Variants in ZSCAN9 observed in about 807,000 individuals in gnomAD.
ZSCAN9 encodes zinc finger and SCAN domain-containing protein 9.
Under a neutral mutation model 23.0 loss-of-function variants are expected in ZSCAN9, and 19 were observed. The observed-to-expected ratio is 0.83, with a 90% CI of 0.58 to 1.21. The LOEUF (loss-of-function observed/expected upper bound fraction) is 1.21, where lower values mean the gene tolerates loss of function less well. Ranked by LOEUF, ZSCAN9 falls within the 50% of genes most tolerant of loss-of-function variation. The pLI, the probability that ZSCAN9 is intolerant of heterozygous loss-of-function variation, is 0.00. For synonymous variants in ZSCAN9, 155 were observed against 164.8 expected (o/e 0.94, Z 0.46); for missense variants, 467 against 471.5 (o/e 0.99, Z 0.09).
At chr6:28,230,912 T>C (rs1760282063) in intron 3 of ZSCAN9, among the ~76,000 whole-genome samples, 1 of 152,086 alleles carries the variant, frequency 6.6e-6, no homozygotes, top group African/African-American at 2.4e-5. Context: ...TGCTTTCATT[T>C]GAGGTGAGAA....
chr6:28,227,098 C>T lies in ZSCAN9; in HGVS notation c.14C>T (p.Ser5Leu). The T allele has an allele frequency of 6.2e-7, 1 of 1,613,540 alleles. No homozygotes were observed. The highest frequency in any genetic ancestry group is 2.2e-5 in the East Asian group (1 of 44,886). Residue 5 changes from serine (S) to leucine (L), a missense_variant, in exon 2 of 4, where the codon TCA becomes TTA. Coordinates refer to ENST00000252207, the MANE Select transcript of ZSCAN9 (RefSeq NM_006299.5). MNTN[S>L]KEVLSLGVQV... Reference sequence around the variant, plus strand: ...TTCAAGGTCAAGATGAATACAAACTCAAAGGAGGTTTTATCCCTGGGTGTT... The same window carrying T: ...TTCAAGGTCAAGATGAATACAAACTTAAAGGAGGTTTTATCCCTGGGTGTT...
At chr6:28,226,886 A>G in intron 1 of ZSCAN9, 126 bp from the exon 2 acceptor site, 1 of 506,954 alleles carries the variant, frequency 2.0e-6, no homozygotes, top group East Asian at 3.2e-5. Flanking sequence ...CATTATTTCC[A>G]TCCTTTGGTC....
Position 28,232,693 on chromosome 6 carries a change from G to A in ZSCAN9, c.700G>A (p.Val234Ile), listed in dbSNP as rs1760349208. The A allele has an allele frequency of 6.2e-7, 1 of 1,614,104 alleles. No homozygotes were observed. ...VSQQDPSHGE[V>I]GEHKDRIERQ... is the part of the protein sequence containing the mutation. ...ACAGCAGGATCCCTCACATGGAGAA[G>A]TTGGTGAACATAAGGATAGGATAGA... The change falls in exon 4 of 4, where the codon GTT becomes ATT. Residue 234 changes from valine (V) to isoleucine (I), a missense_variant. Coordinates refer to ENST00000252207, the MANE Select transcript of ZSCAN9 (RefSeq NM_006299.5).
Position 28,233,169 on chromosome 6 carries a change from G to C in ZSCAN9, c.1176G>C (p.Glu392Asp). The C allele has an allele frequency of 6.2e-7, 1 of 1,613,742 alleles. No individual in the cohort carries two copies. Among genetic ancestry groups the C allele is most frequent in the South Asian group, 1.1e-5 (1 of 91,044 alleles). ...ATCAGAAGATCCACACAGTGGCTGA[G>C]CTGGTCTAGGGCTTGGCTATGAGCA... ...IRHQKIHTVAELV is the reference protein window; with the variant it reads ...IRHQKIHTVADLV Residue 392 changes from glutamate to aspartate, a missense_variant, in exon 4 of 4, where the codon GAG becomes GAC. Transcript: ENST00000252207.
At chr6:28,232,411 C>T (rs1050054973) in intron 3 of ZSCAN9, 151 bp from the exon 4 acceptor site, 13 of 1,352,818 alleles carry the variant, frequency 9.6e-6, no homozygotes, top group African/African-American at 1.5e-5. Flanking sequence ...AGAGGGCAAA[C>T]GTTCCTCCCT....
At chr6:28,226,878 T>G (rs1760128225) in intron 1 of ZSCAN9, 134 bp from the exon 2 acceptor site, 1 of 488,024 alleles carries the variant, frequency 2.0e-6, no homozygotes, top group Admixed American at 3.8e-5. Flanking sequence ...TATATTTCCA[T>G]TATTTCCATC....
chr6:28,227,198 C>T lies in ZSCAN9; in HGVS notation c.114C>T (p.Ser38=), dbSNP rs762272746. The part of the protein sequence containing the change: ...EAKSHLQWQE[S]RLKRSNPLAR... Reference sequence around the variant, plus strand: ...AAAGTCACCTTCAATGGCAGGAATCCAGACTGAAACGCAGTAATCCACTGG... The same window carrying T: ...AAAGTCACCTTCAATGGCAGGAATCTAGACTGAAACGCAGTAATCCACTGG... Residue 38 remains serine (S), a synonymous_variant, in exon 2 of 4, where the codon TCC becomes TCT. Coordinates refer to ENST00000252207, the MANE Select transcript of ZSCAN9 (RefSeq NM_006299.5). The T allele has an allele frequency of 1.2e-6, 2 of 1,614,188 alleles. No individual in the cohort carries two copies. The highest frequency in any genetic ancestry group is 2.2e-5 in the East Asian group (1 of 44,884).
chr6:28,232,847 A>T lies in ZSCAN9; in HGVS notation c.854A>T (p.Asn285Ile). The change falls in exon 4 of 4, where the codon AAT becomes ATT. Residue 285 changes from asparagine (N) to isoleucine (I), a missense_variant. Physicochemically the swap from Asn to Ile is moderately radical, Grantham distance 149. Coordinates refer to ENST00000252207, the MANE Select transcript of ZSCAN9 (RefSeq NM_006299.5). ...IHTGERPYECNECGKAFSRSS... is the reference protein window; with the variant it reads ...IHTGERPYECIECGKAFSRSS... Reference sequence around the variant, plus strand: ...ACTGGAGAAAGACCTTATGAATGTAATGAATGTGGGAAAGCCTTCAGTCGA... The same window carrying T: ...ACTGGAGAAAGACCTTATGAATGTATTGAATGTGGGAAAGCCTTCAGTCGA... 6.2e-7 allele frequency: 1 copy of T among 1,614,214 alleles called. No individual in the cohort carries two copies.
chr6:28,229,060 A>G (rs1367473805), intron 3 of ZSCAN9: 5 of 152,130 alleles, frequency 3.3e-5, no homozygotes, highest in Admixed American at 2.0e-4. Flanking sequence ...TATTACCCCT[A>G]TATGCATCAA....
At position 28,227,440 on chromosome 6, in the gene ZSCAN9, G is replaced by GT. The variant is rs767857729; in HGVS notation, c.357dup (p.Gly120TrpfsTer17). On this transcript the variant is annotated frameshift_variant, in exon 2 of 4. Transcript: ENST00000252207. LOFTEE classifies it high-confidence loss of function. ...TGGGTGAGGGAACACTGTCCAGAGA[G>GT]TGGAGAAGAGGCTGTGATTTTGCTG... is the stretch of plus-strand genomic sequence containing the variant. 4.3e-6 allele frequency: 7 copies of GT among 1,613,690 alleles called. No individual in the cohort carries two copies. The highest frequency in any genetic ancestry group is 5.1e-6 in the Non-Finnish European group (6 of 1,179,838).
Position 28,227,287 on chromosome 6 carries a change from A to C in ZSCAN9, c.203A>C (p.Glu68Ala). 1 of 1,614,206 alleles carries C rather than the reference A, an allele frequency of 6.2e-7. No individual in the cohort carries two copies. Among genetic ancestry groups the C allele is most frequent in the South Asian group, 1.1e-5 (1 of 91,086 alleles). ...LCYQETPGPR[E>A]ALTRLQELCY... is the part of the protein sequence containing the mutation. Reference sequence around the variant, plus strand: ...TACCAAGAGACCCCTGGACCAAGGGAGGCTCTTACTCGACTCCAGGAACTT... The same window carrying C: ...TACCAAGAGACCCCTGGACCAAGGGCGGCTCTTACTCGACTCCAGGAACTT... Residue 68 changes from glutamate (E) to alanine (A), a missense_variant, in exon 2 of 4, where the codon GAG becomes GCG. Physicochemically the swap from Glu to Ala is moderately radical, Grantham distance 107 (BLOSUM62 -1). Transcript: ENST00000252207.
intron 1 of ZSCAN9, 163 bp from the exon 2 acceptor site, chr6:28,226,849 T>C (rs1344426718): frequency 7.7e-6 from 3 of 391,934 alleles, no homozygotes; most frequent in Non-Finnish European, 1.4e-5. Flanking sequence ...GCTTATGCTC[T>C]TAGCACATTA....
At chr6:28,230,631 G>A (rs1042677245) in intron 3 of ZSCAN9, 2 of 670,452 alleles carry the variant, frequency 3.0e-6, no homozygotes, top group Non-Finnish European at 4.9e-6. Flanking sequence ...TGCCAGGCAT[G>A]TTTCTCAGGA....
In ZSCAN9 at chr6:28,232,907, A is replaced by T. The variant is rs778944173; in HGVS notation, c.914A>T (p.Asn305Ile). 1.2e-5 allele frequency: 20 copies of T among 1,614,056 alleles called. No homozygotes were observed. Among genetic ancestry groups the T allele is most frequent in the Non-Finnish European group, 1.6e-5 (19 of 1,180,038 alleles). The change falls in exon 4 of 4, where the codon AAT becomes ATT. Residue 305 changes from asparagine (N) to isoleucine (I), a missense_variant. By Grantham distance (149) the Asn-to-Ile change is moderately radical. Coordinates refer to ENST00000252207, the MANE Select transcript of ZSCAN9 (RefSeq NM_006299.5). Reference protein sequence around the residue: ...SGLFNHRGIHNIQKRYHCKEC... With the variant: ...SGLFNHRGIHIIQKRYHCKEC... ...CTTTTTAATCACCGAGGAATCCACA[A>T]TATACAGAAACGGTACCACTGCAAG... is the stretch of plus-strand genomic sequence containing the variant.
intron 3 of ZSCAN9, 91 bp downstream of exon 3, chr6:28,227,928 C>T: frequency 1.4e-6 from 2 of 1,422,450 alleles, no homozygotes; most frequent in African/African-American, 2.8e-5. Context: ...ACAGGAGACC[C>T]AAAGACTCCT....
chr6:28,230,374 C>G, intron 3 of ZSCAN9: 1 of 1,535,936 alleles, frequency 6.5e-7, no homozygotes, highest in Non-Finnish European at 8.7e-7. Context: ...AGTACTGATC[C>G]CACTTGGGGC....
chr6:28,226,843 A>G, intron 1 of ZSCAN9, 169 bp from the exon 2 acceptor site: 1 of 342,550 alleles, frequency 2.9e-6, no homozygotes, highest in Non-Finnish European at 5.2e-6. Context: ...TTAAAAGCTT[A>G]TGCTCTTAGC....
intron 3 of ZSCAN9, among the ~76,000 whole-genome samples, chr6:28,229,815 C>T (rs1760238053): frequency 6.6e-6 from 1 of 151,754 alleles, no homozygotes; most frequent in Admixed American, 6.6e-5. Context: ...AGACGTTTCT[C>T]TATATAGTCT....
chr6:28,228,375 C>T (rs1760187293), intron 3 of ZSCAN9: 2 of 321,660 alleles, frequency 6.2e-6, no homozygotes, highest in South Asian at 3.8e-5. Flanking sequence ...GGTGAGGCCT[C>T]TTCCTGGCTT....
Sources: gnomAD v4.1 joint callset for allele counts (sites outside exome capture counted in the v4.1 genomes callset) on GRCh38, gnomAD v4.1.1 for gene constraint, MANE v1.5 for transcripts, NCBI Gene and HGNC (gene_info 2026-07-23, HGNC 2026-07-21) for gene names.